Variants in ANKRD26 observed in about 807,000 individuals in gnomAD.
ANKRD26 encodes the protein ankyrin repeat domain-containing protein 26.
Under a neutral mutation model 208.7 loss-of-function variants are expected in ANKRD26, and 141 were observed. The ratio of observed to expected loss-of-function variants is 0.68; its 90% CI spans 0.59 to 0.78. ANKRD26 has a LOEUF of 0.78. Ranked by LOEUF, ANKRD26 falls within the 30% of genes least tolerant of loss-of-function variation. ANKRD26 has a pLI of 0.00. For missense variants in ANKRD26, 1,889 were observed against 1,938.7 expected (o/e 0.97, Z 0.48); for synonymous variants, 636 against 660.4 (o/e 0.96, Z 0.57).
At chr10:27,052,071 G>A (rs893049463) in intron 16 of ANKRD26, 26 of 985,186 alleles carry the variant, frequency 2.6e-5, no homozygotes, top group Non-Finnish European at 3.1e-5. Context: ...ACATGAAAGT[G>A]GACGATTAAT....
chr10:27,081,020 C>G (rs1433451751), intron 6 of ANKRD26: 1 of 904,456 alleles, frequency 1.1e-6, no homozygotes, highest in Admixed American at 6.2e-5. Flanking sequence ...TTGAGGGGCT[C>G]AAAGCCACCG....
chr10:26,961,762 T>C, the ANKRD26 span, among the ~76,000 whole-genome samples: 3 of 152,156 alleles, frequency 2.0e-5, no homozygotes, highest in Non-Finnish European at 2.9e-5. Context: ...AGTTACTCCA[T>C]GCAAAATGCT....
At chr10:27,020,932 A>G (rs181429405) in intron 29 of ANKRD26, among the ~76,000 whole-genome samples, 97 of 152,248 alleles carry the variant, frequency 6.4e-4, no homozygotes, top group Non-Finnish European at 1.3e-3. Context: ...AAATGCTGGA[A>G]TTACAGGCAT....
At chr10:27,099,689 A>T (rs1207132112) in intron 1 of ANKRD26, among the ~76,000 whole-genome samples, 1 of 152,198 alleles carries the variant, frequency 6.6e-6, no homozygotes, top group Admixed American at 6.5e-5. Context: ...CGAATAACAG[A>T]TTTTATAGAA....
intron 4 of ANKRD26, among the ~76,000 whole-genome samples, chr10:27,089,821 AT>A (rs1217366019): frequency 6.6e-6 from 1 of 152,050 alleles, no homozygotes; most frequent in African/African-American, 2.4e-5. Context: ...AGAATCCTAC[AT>A]GCATTGCTGC....
At chr10:26,966,955 A>G in the ANKRD26 span, among the ~76,000 whole-genome samples, 6 of 152,348 alleles carry the variant, frequency 3.9e-5, no homozygotes, top group Admixed American at 3.3e-4. Flanking sequence ...TTTTTTACTT[A>G]CCATGTAGAT....
the ANKRD26 span, among the ~76,000 whole-genome samples, chr10:26,951,020 T>TTTTTTTTTTTC: frequency 1.9e-4 from 8 of 43,022 alleles, no homozygotes; most frequent in African/African-American, 4.8e-4. Flanking sequence ...TTTCTTTTTC[T>TTTTTTTTTTTC]TTTTTTTTTT....
At position 27,066,537 on chromosome 10, in the gene ANKRD26, C is replaced by T. The variant is rs200982037; in HGVS notation, c.1219G>A (p.Ala407Thr). The change falls in exon 11 of 34, where the codon GCA (alanine) becomes ACA (threonine). Residue 407 changes from alanine to threonine, a missense_variant. Transcript: ENST00000376087. ...TCTTCCTCTTGTCCTAATCCTAATGCGGACATCATATCTATCAAATGTGAT... is the reference window on the plus strand; with the variant it reads ...TCTTCCTCTTGTCCTAATCCTAATGTGGACATCATATCTATCAAATGTGAT... ...HKNNRSDMMS[A>T]LGLGQEEDIE... 40 of 1,597,112 alleles carry T rather than the reference C, an allele frequency of 2.5e-5. 1 individual carries two copies. The highest frequency in any genetic ancestry group is 1.9e-4 in the South Asian group (17 of 89,876).
chr10:27,086,945 T>C (rs955236283), intron 4 of ANKRD26, among the ~76,000 whole-genome samples: 3 of 152,012 alleles, frequency 2.0e-5, no homozygotes, highest in African/African-American at 7.2e-5. Flanking sequence ...CTAATTTTTT[T>C]GTATTTTTAG....
In ANKRD26 at chr10:27,004,308, TAAAAGA is replaced by T. The variant is rs2134770385; in HGVS notation, c.*1276_*1281del. The T allele has an allele frequency of 6.6e-6, 1 of 152,174 alleles. No individual in the cohort carries two copies. Among genetic ancestry groups the T allele is most frequent in the African/African-American group, 2.4e-5 (1 of 41,520 alleles). The allele number at this position is 152,174 out of a possible 1,614,324, so 9.4% of individuals were successfully genotyped here. A position where few individuals can be genotyped will look rare whatever the true frequency, so the allele number is the denominator to read the frequency against. On this transcript the variant is annotated 3_prime_UTR_variant, in exon 34 of 34. Transcript: ENST00000376087. ...GAAGTTGTCAAAATATAACATTTCT[TAAAAGA>T]AAAACAAATTTTTAATAACAATATT...
At chr10:26,975,632 A>C (rs1431824741) in exon 6 of ANKRD26, among the ~76,000 whole-genome samples, 1 of 151,916 alleles carries the variant, frequency 6.6e-6, no homozygotes, top group Non-Finnish European at 1.5e-5. Context: ...ACCTGAGGTC[A>C]GGAGTTCGAG....
rs1285077477 is a variant in ANKRD26 at position 27,005,232 on chromosome 10, AATG to A, written c.*355_*357del. ...AATGACCACAGTTCCTGCACAACAA[AATG>A]ATGTCTAAGTCCAATTAGACATCTA... On this transcript the variant is annotated 3_prime_UTR_variant, in exon 34 of 34. Coordinates refer to ENST00000376087, the MANE Select transcript of ANKRD26 (RefSeq NM_014915.3). The A allele has an allele frequency of 3.0e-6, 3 of 1,009,104 alleles. No homozygotes were observed. The highest frequency in any genetic ancestry group is 3.5e-5 in the African/African-American group (2 of 57,460). The allele number at this position is 1,009,104 out of a possible 1,614,324, so 62.5% of individuals were successfully genotyped here. A position where few individuals can be genotyped will look rare whatever the true frequency, so the allele number is the denominator to read the frequency against.
At chr10:27,073,577 G>A (rs375638733) in intron 9 of ANKRD26, among the ~76,000 whole-genome samples, 3 of 152,164 alleles carry the variant, frequency 2.0e-5, no homozygotes, top group Admixed American at 6.5e-5. Flanking sequence ...ATCACTGAGA[G>A]CTCCCCCTGC....
chr10:27,087,528 G>A (rs2056163116), intron 4 of ANKRD26, among the ~76,000 whole-genome samples: 1 of 152,110 alleles, frequency 6.6e-6, no homozygotes, highest in Non-Finnish European at 1.5e-5. Context: ...TATTCTTTGT[G>A]GTTTCCAATC....
chr10:27,069,843 T>G (rs1347027240), intron 9 of ANKRD26, among the ~76,000 whole-genome samples: 1 of 152,012 alleles, frequency 6.6e-6, no homozygotes, highest in Admixed American at 6.6e-5. Context: ...TGAGGATGGG[T>G]GCAGTGGGCC....
chr10:26,999,418 A>G (rs2052669438), downstream of ANKRD26, among the ~76,000 whole-genome samples: 1 of 152,156 alleles, frequency 6.6e-6, no homozygotes, highest in South Asian at 2.1e-4. Context: ...TAAGTCAGTG[A>G]GTGTGTCAGA....
At chr10:26,990,770 A>C (rs1440398227), downstream of ANKRD26, among the ~76,000 whole-genome samples, 1 of 152,246 alleles carries the variant, frequency 6.6e-6, no homozygotes, top group Non-Finnish European at 1.5e-5. Flanking sequence ...ATATGATAGA[A>C]GAAAGATAAA....
chr10:26,956,966 T>C, the ANKRD26 span, among the ~76,000 whole-genome samples: 1 of 152,246 alleles, frequency 6.6e-6, no homozygotes, highest in South Asian at 2.1e-4. Flanking sequence ...CTTGCTGTGC[T>C]AAAGCTAGAA....
intron 30 of ANKRD26, among the ~76,000 whole-genome samples, chr10:27,017,043 A>G (rs749914786): frequency 1.5e-4 from 23 of 152,328 alleles, no homozygotes; most frequent in Middle Eastern, 3.4e-3. Context: ...AGAATTAAAA[A>G]TTTAGCCAGG....
Sources: gnomAD v4.1 joint callset for allele counts (sites outside exome capture counted in the v4.1 genomes callset) on GRCh38, gnomAD v4.1.1 for gene constraint, MANE v1.5 for transcripts, NCBI Gene and HGNC (gene_info 2026-07-23, HGNC 2026-07-21) for gene names.